The following FAM193B variants were observed in gnomAD, a reference collection of about 807,000 sequenced individuals.
FAM193B encodes the protein protein FAM193B.
Under a neutral mutation model 70.7 loss-of-function variants are expected in FAM193B, and 27 were observed. That is an observed-to-expected ratio of 0.38 (90% CI 0.28 to 0.53). The LOEUF (loss-of-function observed/expected upper bound fraction) is 0.53. Ranked by LOEUF, FAM193B falls within the 20% of genes least tolerant of loss-of-function variation. FAM193B has a pLI of 0.81. For missense variants in FAM193B, 1,022 were observed against 1,072.5 expected (o/e 0.95, Z 0.66); for synonymous variants, 448 against 436.0 (o/e 1.03, Z -0.34).
rs1158675184 is a variant in FAM193B, at chr5:177,522,206, G to A, written c.2373-135C>T. On this transcript the variant is annotated intron_variant, in intron 7 of 8. Coordinates refer to ENST00000514747, the MANE Select transcript of FAM193B (RefSeq NM_001190946.3). ...AACCTCTTTGGCTCTCAGGTGCTAG[G>A]GTTTAGCAGGCATAGGAGCTTTGCT... The A allele has an allele frequency of 5.9e-6, 4 of 674,026 alleles. No individual in the cohort carries two copies. The East Asian group carries it at 1.1e-4, about 19-fold the overall frequency. The allele number at this position is 674,026 out of a possible 1,614,324, so 41.8% of individuals were successfully genotyped here. A position where few individuals can be genotyped will look rare whatever the true frequency, so the allele number is the denominator to read the frequency against.
intron 1 of FAM193B, 148 bp downstream of exon 1, chr5:177,554,101 G>A (rs1766709585): frequency 7.2e-7 from 1 of 1,392,684 alleles, no homozygotes; most frequent in South Asian, 1.5e-5. Context: ...TTCCCGCCCC[G>A]GGGGAGAAAG....
chr5:177,545,618 A>G (rs1561784064), intron 1 of FAM193B, among the ~76,000 whole-genome samples: 2 of 149,970 alleles, frequency 1.3e-5, no homozygotes, highest in Non-Finnish European at 3.0e-5. Flanking sequence ...CCAAGATTGC[A>G]CCATTGTACT....
intron 1 of FAM193B, among the ~76,000 whole-genome samples, chr5:177,542,171 A>G (rs1029858362): frequency 6.6e-6 from 1 of 152,260 alleles, no homozygotes; most frequent in Non-Finnish European, 1.5e-5. Context: ...CTTATAAATT[A>G]AGTGTGTAAT....
intron 5 of FAM193B, chr5:177,531,553 C>T (rs754214063): frequency 9.6e-6 from 12 of 1,253,206 alleles, no homozygotes; most frequent in Non-Finnish European, 4.2e-6. Flanking sequence ...TGACATTACA[C>T]CCTGGGCCTG....
intron 7 of FAM193B, among the ~76,000 whole-genome samples, chr5:177,522,639 C>T (rs1382411764): frequency 2.0e-5 from 3 of 151,828 alleles, no homozygotes; most frequent in Non-Finnish European, 2.9e-5. Flanking sequence ...TGTGCTTGGC[C>T]TTCCCACATA....
Position 177,536,441 on chromosome 5 carries a change from G to A in FAM193B, c.993C>T (p.His331=). 6.3e-7 allele frequency: 1 copy of A among 1,593,208 alleles called. No homozygotes were observed. The highest frequency in any genetic ancestry group is 2.3e-5 in the East Asian group (1 of 44,400). ...GCCCACCACAGTGCCCGCTGCAGGG[G>A]TGGCTGCACCCCGAGAATGGTGGGG... The part of the protein sequence containing the change: ...KMPPPFSGCS[H]PCSGHCGGHC... The change falls in exon 4 of 9, where the codon CAC becomes CAT. Residue 331 remains histidine (H), a synonymous_variant. Transcript: ENST00000514747.
intron 1 of FAM193B, among the ~76,000 whole-genome samples, chr5:177,548,913 C>T (rs1765811538): frequency 6.6e-6 from 1 of 152,204 alleles, no homozygotes; most frequent in Admixed American, 6.5e-5. Flanking sequence ...AGCCGGATCT[C>T]TCCCGACTCT....
chr5:177,552,999 A>G (rs1023458164), intron 1 of FAM193B, among the ~76,000 whole-genome samples: 1 of 152,190 alleles, frequency 6.6e-6, no homozygotes. Context: ...TGTGGAGTTC[A>G]CAGTCCAGGG....
At chr5:177,545,920 C>A (rs998698496) in intron 1 of FAM193B, among the ~76,000 whole-genome samples, 1 of 152,158 alleles carries the variant, frequency 6.6e-6, no homozygotes, top group Non-Finnish European at 1.5e-5. Flanking sequence ...CAACAGGTCC[C>A]AAATTCTATT....
rs1396847941 is a variant in FAM193B at position 177,524,410 on chromosome 5, C to T, written c.2071G>A (p.Glu691Lys). 3.1e-6 allele frequency: 5 copies of T among 1,591,184 alleles called. No individual in the cohort carries two copies. The highest frequency in any genetic ancestry group is 1.7e-6 in the Non-Finnish European group (2 of 1,169,276). ...PKVGSCAEAGEGSRGSRPGPG... is the reference protein window; with the variant it reads ...PKVGSCAEAGKGSRGSRPGPG... ...CCTGGCCGGCTCCCCCGGCTCCCCT[C>T]TCCAGCCTCAGCACAGCTGCCTACT... The change falls in exon 6 of 9, where the codon GAG becomes AAG. Residue 691 changes from glutamate (E) to lysine (K), a missense_variant. Physicochemically the swap from Glu to Lys is moderately conservative, Grantham distance 56. Coordinates refer to ENST00000514747, the MANE Select transcript of FAM193B (RefSeq NM_001190946.3).
chr5:177,534,508 T>C (rs1471395366), intron 4 of FAM193B, among the ~76,000 whole-genome samples: 1 of 151,976 alleles, frequency 6.6e-6, no homozygotes, highest in Non-Finnish European at 1.5e-5. Flanking sequence ...TTCACCATGC[T>C]GGCCAGGCTG....
At position 177,525,283 on chromosome 5, in the gene FAM193B, G is replaced by C. The variant is rs536413075; in HGVS notation, c.1276-78C>G. On this transcript the variant is annotated intron_variant, in intron 5 of 8. Coordinates refer to ENST00000514747, the MANE Select transcript of FAM193B (RefSeq NM_001190946.3). The stretch of plus-strand genomic sequence containing the variant: ...TGTGATACCTGACCCATCAGCCTGG[G>C]GCCCAGCTTTGCCACTAACTTGCTG... 6 of 1,315,786 alleles carry C rather than the reference G, an allele frequency of 4.6e-6. No homozygotes were observed. The South Asian group carries it at 6.4e-5, about 14-fold the overall frequency. 81.5% of individuals were successfully genotyped at this position (1,315,786 alleles called of 1,614,324 possible). A position where few individuals can be genotyped will look rare whatever the true frequency, so the allele number is the denominator to read the frequency against.
In FAM193B at chr5:177,534,062, G is replaced by A. The variant is rs566379980; in HGVS notation, c.1077-1421C>T. ...AAGCACCCATTGGGCTGGTCCCAAC[G>A]CTGGGCTGAGGCTGAGGTGGCAGGG... On this transcript the variant is annotated intron_variant, in intron 4 of 8. Transcript: ENST00000514747. Among the ~76,000 whole-genome samples the A allele has an allele frequency of 3.9e-5, 6 of 152,340 alleles. No individual in the cohort carries two copies. In the South Asian group the frequency reaches 1.2e-3, roughly 32 times the overall value.
At chr5:177,531,536 G>GGTGGGGGGT in intron 5 of FAM193B, 1 of 1,047,032 alleles carries the variant, frequency 9.6e-7, no homozygotes, top group South Asian at 1.3e-5. Flanking sequence ...GGGTGGGGGG[G>GGTGGGGGGT]AGGTGCTGAC....
At chr5:177,554,098 C>A in intron 1 of FAM193B, 151 bp downstream of exon 1, 1 of 1,392,658 alleles carries the variant, frequency 7.2e-7, no homozygotes, top group South Asian at 1.5e-5. Context: ...CCATTCCCGC[C>A]CCGGGGGAGA....
chr5:177,552,665 C>T (rs1378649043), intron 1 of FAM193B, among the ~76,000 whole-genome samples: 1 of 152,178 alleles, frequency 6.6e-6, no homozygotes, highest in African/African-American at 2.4e-5. Context: ...GGGGAAGCAG[C>T]TTTGGGGTTG....
In FAM193B at chr5:177,532,868, C is replaced by T. The variant is rs545534411; in HGVS notation, c.1077-227G>A. On this transcript the variant is annotated intron_variant, in intron 4 of 8. Coordinates refer to ENST00000514747, the MANE Select transcript of FAM193B (RefSeq NM_001190946.3). The surrounding 1 kb of genome is among the most constrained non-coding windows in gnomAD (Gnocchi z 4.9). ...TGGCTCTTCTGGAAAGGTTTCCCCACGCCTCCCCTGCCTGCACCCACCATG... is the reference window on the plus strand; with the variant it reads ...TGGCTCTTCTGGAAAGGTTTCCCCATGCCTCCCCTGCCTGCACCCACCATG... Among the ~76,000 whole-genome samples, 23 of 152,324 alleles carry T rather than the reference C, an allele frequency of 1.5e-4. No homozygotes were observed. The highest frequency in any genetic ancestry group is 3.4e-3 in the Middle Eastern group (1 of 294).
chr5:177,527,327 G>A (rs1347247776), intron 5 of FAM193B, among the ~76,000 whole-genome samples: 1 of 152,218 alleles, frequency 6.6e-6, no homozygotes, highest in African/African-American at 2.4e-5. Context: ...GGCTGATCGT[G>A]AAGGGCCCTG....
chr5:177,537,937 C>G lies in FAM193B; in HGVS notation c.624G>C (p.Trp208Cys). The G allele has an allele frequency of 1.3e-6, 2 of 1,587,460 alleles. No homozygotes were observed. Among genetic ancestry groups the G allele is most frequent in the Non-Finnish European group, 1.7e-6 (2 of 1,166,962 alleles). Residue 208 changes from tryptophan to cysteine, a missense_variant, in exon 3 of 9, where the codon TGG becomes TGC. By Grantham distance (215) the Trp-to-Cys change is radical. Transcript: ENST00000514747. ...TGGCCCCACTGGAATGTGGGGAATT[C>G]CAGAGGCCCGAGAGCTTATGTGCCG... ...FLSAHKLSGL[W>C]NSPHSSGAMP...
Sources: allele counts gnomAD v4.1 joint callset (sites outside exome capture counted in the v4.1 genomes callset), GRCh38; gene constraint gnomAD v4.1.1; non-coding constraint Gnocchi (gnomAD v3.1); transcripts MANE v1.5; gene names NCBI Gene and HGNC (gene_info 2026-07-23, HGNC 2026-07-21).